The following PAAF1 variants were observed in gnomAD, a reference collection of about 807,000 sequenced individuals.
PAAF1 encodes the protein proteasomal ATPase-associated factor 1.
A neutral mutation model predicts 52.8 loss-of-function variants in PAAF1; 46 were observed. That is an observed-to-expected ratio of 0.87 (90% CI 0.69 to 1.11). The LOEUF is 1.11. PAAF1 is among the 50% of genes most tolerant of loss of function. The pLI is 0.00. For missense variants in PAAF1, 424 were observed against 477.4 expected, an observed-to-expected ratio of 0.89 and a Z score of 1.04; for synonymous variants, 178 against 172.8, an observed-to-expected ratio of 1.03 and a Z score of -0.24.
At chr11:73,895,852 A>T (rs1949330870) in intron 4 of PAAF1, among the ~76,000 whole-genome samples, 1 of 152,248 alleles carries the variant, frequency 6.6e-6, no homozygotes, top group Non-Finnish European at 1.5e-5. Flanking sequence ...CACGCCTGTG[A>T]TCCTAGCACT....
At chr11:73,895,250 A>C (rs886801986) in intron 4 of PAAF1, among the ~76,000 whole-genome samples, 1 of 152,322 alleles carries the variant, frequency 6.6e-6, no homozygotes. Context: ...AAGTAGGTGA[A>C]TTGTGTTCCA....
At chr11:73,895,700 C>T (rs899739411) in intron 4 of PAAF1, among the ~76,000 whole-genome samples, 1 of 152,170 alleles carries the variant, frequency 6.6e-6, no homozygotes, top group Admixed American at 6.5e-5. Flanking sequence ...TCCATCATTT[C>T]TGGAGCATTT....
In PAAF1 at chr11:73,919,024, C is replaced by T; in HGVS notation, c.1010C>T (p.Ala337Val). 1 of 1,613,590 alleles carries T rather than the reference C, an allele frequency of 6.2e-7. No individual in the cohort carries two copies. Among genetic ancestry groups the T allele is most frequent in the Non-Finnish European group, 8.5e-7 (1 of 1,179,730 alleles). The change falls in exon 10 of 12, where the codon GCT (alanine) becomes GTT (valine). Residue 337 changes from alanine (A) to valine (V), a missense_variant. Ala to Val is a moderately conservative substitution (Grantham distance 64). Transcript: ENST00000310571. ...CTAAGTGTCAGAGATGGATTCATTGCTAGCCAAGGTGGGTCCATGGGCCAA... is the reference window on the plus strand; with the variant it reads ...CTAAGTGTCAGAGATGGATTCATTGTTAGCCAAGGTGGGTCCATGGGCCAA... ...SLLSVRDGFI[A>V]SQGDGSCFIV...
chr11:73,881,882 AT>A (rs796635145), intron 2 of PAAF1, among the ~76,000 whole-genome samples: 1,617 of 144,208 alleles, frequency 0.011, 21 homozygotes, highest in African/African-American at 0.039. Flanking sequence ...AATTTTTTGT[AT>A]TTTTTTTTGA....
At chr11:73,891,328 A>G (rs1328200555) in intron 4 of PAAF1, 127 bp downstream of exon 4, 2 of 594,244 alleles carry the variant, frequency 3.4e-6, no homozygotes, top group South Asian at 4.0e-5. Context: ...TTGTAAGATG[A>G]TACAGCTGAT....
intron 6 of PAAF1, among the ~76,000 whole-genome samples, chr11:73,900,862 G>T (rs1161926122): frequency 6.6e-6 from 1 of 150,564 alleles, no homozygotes; most frequent in Non-Finnish European, 1.5e-5. Context: ...GGCGCCTGTA[G>T]TCCCAGCTAC....
chr11:73,916,578 T>C lies in PAAF1; in HGVS notation c.853T>C (p.Cys285Arg). 8.7e-6 allele frequency: 14 copies of C among 1,614,016 alleles called. No individual in the cohort carries two copies. The highest frequency in any genetic ancestry group is 1.2e-5 in the Non-Finnish European group (14 of 1,179,912). The change falls in exon 9 of 12, where the codon TGC becomes CGC. Residue 285 changes from cysteine to arginine, a missense_variant. Transcript: ENST00000310571. The stretch of plus-strand genomic sequence containing the variant: ...CTTTATTGGCTCAGACGCTTTCAAC[T>C]GCTGTACTTTTCTCTCTGGCTTCTT... Reference protein sequence around the residue: ...FLFIGSDAFNCCTFLSGFLLL... With the variant: ...FLFIGSDAFNRCTFLSGFLLL...
chr11:73,897,123 A>C (rs1949409323), intron 4 of PAAF1, among the ~76,000 whole-genome samples: 2 of 123,148 alleles, frequency 1.6e-5, no homozygotes, highest in African/African-American at 3.1e-5. Flanking sequence ...ACTTCCCAGT[A>C]GGGGCGGCCG....
chr11:73,876,846 C>T (rs148117364), upstream of PAAF1: 78 of 625,546 alleles, frequency 1.2e-4, no homozygotes, highest in African/African-American at 9.5e-4. Flanking sequence ...TACATCCTTT[C>T]AGGAACCAGC....
At chr11:73,877,346 G>C (rs1336147705) in intron 1 of PAAF1, 1 of 315,330 alleles carries the variant, frequency 3.2e-6, no homozygotes. Flanking sequence ...AGGCAGGAAG[G>C]CTTTTGGCCA....
At chr11:73,921,712 C>G in intron 10 of PAAF1, 1 of 964,352 alleles carries the variant, frequency 1.0e-6, no homozygotes, top group Non-Finnish European at 1.7e-6. Context: ...AAAACAAGTC[C>G]ACCACTTGCA....
chr11:73,893,325 A>C (rs1191137401), intron 4 of PAAF1, among the ~76,000 whole-genome samples: 1 of 152,246 alleles, frequency 6.6e-6, no homozygotes, highest in Non-Finnish European at 1.5e-5. Context: ...CGTTAGGTTG[A>C]AAGTTTATCA....
At chr11:73,907,648 C>T (rs535594811) in intron 6 of PAAF1, among the ~76,000 whole-genome samples, 4 of 152,182 alleles carry the variant, frequency 2.6e-5, no homozygotes, top group Non-Finnish European at 4.4e-5. Context: ...TTAACCTGGT[C>T]AACCCCACTG....
chr11:73,908,720 A>C (rs1949845321), intron 6 of PAAF1, among the ~76,000 whole-genome samples: 1 of 151,472 alleles, frequency 6.6e-6, no homozygotes. Flanking sequence ...TTTCAAACTG[A>C]ATTAGCTTAG....
rs760874962 is a variant in PAAF1, at chr11:73,887,458, G to T, written c.192+1G>T. On this transcript the variant is annotated splice_donor_variant, in intron 3 of 11. Coordinates refer to ENST00000310571, the MANE Select transcript of PAAF1 (RefSeq NM_025155.3). LOFTEE classifies it high-confidence loss of function. ...ATTTACTGTGAATGAAATAAACAAG[G>T]TATGTTTTTATGTCTTCTAGATGGC... The T allele has an allele frequency of 8.2e-6, 13 of 1,593,156 alleles. No individual in the cohort carries two copies. In the Middle Eastern group the frequency reaches 2.0e-3, roughly 246 times the overall value.
At chr11:73,896,427 TA>T (rs1218712727) in intron 4 of PAAF1, among the ~76,000 whole-genome samples, 2 of 151,468 alleles carry the variant, frequency 1.3e-5, no homozygotes, top group Non-Finnish European at 2.9e-5. Context: ...CTGGTTTTCC[TA>T]GGCAGAGGAC....
In PAAF1 at chr11:73,924,283, C is replaced by T. The variant is rs544186794; in HGVS notation, c.1019-332C>T. Among the ~76,000 whole-genome samples, 15 of 151,924 alleles carry T rather than the reference C, an allele frequency of 9.9e-5. No homozygotes were observed. The South Asian group carries it at 1.3e-3, about 13-fold the overall frequency. Reference sequence around the variant, plus strand: ...CAGCCTGGCCAACATGGTGAAACCCCGTCTCTACAAAAATTAGCCAGGCGT... The same window carrying T: ...CAGCCTGGCCAACATGGTGAAACCCTGTCTCTACAAAAATTAGCCAGGCGT... On this transcript the variant is annotated intron_variant, in intron 10 of 11. Transcript: ENST00000310571.
At chr11:73,902,658 C>T (rs983686524) in intron 6 of PAAF1, among the ~76,000 whole-genome samples, 1 of 151,764 alleles carries the variant, frequency 6.6e-6, no homozygotes, top group Non-Finnish European at 1.5e-5. Flanking sequence ...TATGTATGGA[C>T]CTTTAGCTTA....
At chr11:73,889,843 G>A (rs10898950) in intron 3 of PAAF1, among the ~76,000 whole-genome samples, 43,068 of 152,078 alleles carry the variant, frequency 0.28, 6,531 homozygotes, top group South Asian at 0.48. Flanking sequence ...AACTCATTTA[G>A]TGAAAGGCCT....
Sources: allele counts gnomAD v4.1 joint callset (sites outside exome capture counted in the v4.1 genomes callset), GRCh38; gene constraint gnomAD v4.1.1; transcripts MANE v1.5; gene names NCBI Gene and HGNC (gene_info 2026-07-23, HGNC 2026-07-21).